The following PCSK5 variants were observed in gnomAD, a reference collection of about 807,000 sequenced individuals.
PCSK5 encodes the protein prohormone convertase 5.
PCSK5 carries 129 observed loss-of-function variants against 233.2 expected under a neutral mutation model. That is an observed-to-expected ratio of 0.55 (90% CI 0.48 to 0.64). PCSK5 has a LOEUF of 0.64. Among genes scored for constraint, PCSK5 ranks in the 30% least tolerant of loss-of-function variants. The pLI is 0.00. For missense variants in PCSK5, 2,076 were observed against 2,430.1 expected, an observed-to-expected ratio of 0.85 and a Z score of 3.06; for synonymous variants, 825 against 879.2, an observed-to-expected ratio of 0.94 and a Z score of 1.09.
intron 35 of PCSK5, 93 bp from the exon 36 acceptor site, chr9:76,350,735 C>G: frequency 1.3e-6 from 1 of 786,492 alleles, no homozygotes; most frequent in Middle Eastern, 2.3e-4. Flanking sequence ...CTTCAATTTA[C>G]TTGACATATT....
At chr9:75,922,673 G>C (rs1823305816) in intron 1 of PCSK5, among the ~76,000 whole-genome samples, 1 of 152,144 alleles carries the variant, frequency 6.6e-6, no homozygotes, top group South Asian at 2.1e-4. Flanking sequence ...TTGGAAGGAA[G>C]GATTTCTGCA....
At chr9:76,131,500 A>G (rs1052901968) in intron 9 of PCSK5, among the ~76,000 whole-genome samples, 18 of 152,050 alleles carry the variant, frequency 1.2e-4, no homozygotes, top group African/African-American at 4.1e-4. Context: ...TGTAGGTCCA[A>G]TTTCCTGAAG....
At chr9:75,954,317 TTG>T (rs982028837) in intron 2 of PCSK5, among the ~76,000 whole-genome samples, 1 of 152,156 alleles carries the variant, frequency 6.6e-6, no homozygotes, top group Non-Finnish European at 1.5e-5. Flanking sequence ...TACTCTGTCT[TTG>T]TGTTTGTAAA....
chr9:76,320,182 G>A (rs1174045004), intron 30 of PCSK5, among the ~76,000 whole-genome samples: 1 of 151,878 alleles, frequency 6.6e-6, no homozygotes, highest in Non-Finnish European at 1.5e-5. Context: ...CTCCACACAC[G>A]GGGAGAACAC....
chr9:75,902,558 C>T (rs1452208680), intron 1 of PCSK5, among the ~76,000 whole-genome samples: 1 of 152,072 alleles, frequency 6.6e-6, no homozygotes, highest in Non-Finnish European at 1.5e-5. Flanking sequence ...TTGTTCTGCT[C>T]AATGATAAGG....
chr9:76,180,491 C>G (rs1485999830), intron 15 of PCSK5, among the ~76,000 whole-genome samples: 1 of 152,130 alleles, frequency 6.6e-6, no homozygotes, highest in Non-Finnish European at 1.5e-5. Context: ...AAGGTGGACC[C>G]TGTGCCTCTG....
chr9:76,254,598 G>A (rs2131349636), intron 24 of PCSK5, among the ~76,000 whole-genome samples: 1 of 152,278 alleles, frequency 6.6e-6, no homozygotes, highest in South Asian at 2.1e-4. Context: ...TAGGCTGTCA[G>A]CTAAAAGGAA....
intron 6 of PCSK5, among the ~76,000 whole-genome samples, chr9:76,068,350 C>T (rs1830360488): frequency 6.6e-6 from 1 of 151,888 alleles, no homozygotes; most frequent in Admixed American, 6.6e-5. Flanking sequence ...ACAATTGGTG[C>T]CTGGGTTAGA....
chr9:76,158,268 A>G (rs1822693976), intron 11 of PCSK5, among the ~76,000 whole-genome samples: 1 of 152,178 alleles, frequency 6.6e-6, no homozygotes, highest in Admixed American at 6.6e-5. Context: ...TGAAGGTCTC[A>G]GGGAGGGGAA....
Position 76,071,858 on chromosome 9 carries a change from C to G in PCSK5, c.854C>G (p.Ala285Gly). The G allele has an allele frequency of 1.9e-6, 3 of 1,614,066 alleles. No homozygotes were observed. The highest frequency in any genetic ancestry group is 2.5e-6 in the Non-Finnish European group (3 of 1,179,986). ...DDDGKTVDGP[A>G]PLTRQAFENG... Reference sequence around the variant, plus strand: ...GATGGCAAGACTGTGGACGGACCAGCCCCCCTCACCCGGCAAGCCTTTGAA... The same window carrying G: ...GATGGCAAGACTGTGGACGGACCAGGCCCCCTCACCCGGCAAGCCTTTGAA... Residue 285 changes from alanine to glycine, a missense_variant, in exon 7 of 38, where the codon GCC (alanine) becomes GGC (glycine). Transcript: ENST00000674117.
At chr9:76,165,661 CG>C (rs1823056913) in intron 12 of PCSK5, among the ~76,000 whole-genome samples, 1 of 152,106 alleles carries the variant, frequency 6.6e-6, no homozygotes, top group Non-Finnish European at 1.5e-5. Context: ...TCATCGAGCA[CG>C]TGATTATGAA....
intron 20 of PCSK5, among the ~76,000 whole-genome samples, chr9:76,208,698 C>T (rs1340759085): frequency 6.6e-6 from 1 of 152,146 alleles, no homozygotes; most frequent in Non-Finnish European, 1.5e-5. Context: ...CTTTGCAGTT[C>T]TTTTCATATG....
intron 8 of PCSK5, among the ~76,000 whole-genome samples, chr9:76,096,831 C>A (rs1311711815): frequency 6.6e-6 from 1 of 150,954 alleles, no homozygotes; most frequent in East Asian, 2.0e-4. Flanking sequence ...AAACTCCTGA[C>A]CTCAAGTGAT....
At chr9:75,950,530 A>G (rs988595327) in intron 2 of PCSK5, among the ~76,000 whole-genome samples, 4 of 152,218 alleles carry the variant, frequency 2.6e-5, no homozygotes, top group African/African-American at 9.6e-5. Flanking sequence ...GTGGGGACCA[A>G]TATTCAACAT....
chr9:75,956,617 T>TCTTTGAA (rs1338144512), intron 2 of PCSK5, among the ~76,000 whole-genome samples: 1 of 152,204 alleles, frequency 6.6e-6, no homozygotes, highest in Non-Finnish European at 1.5e-5. Flanking sequence ...CTTTGAAATC[T>TCTTTGAA]AAGAGATTTA....
At chr9:76,057,832 C>CTTTTTTTTT (rs36017305) in intron 5 of PCSK5, among the ~76,000 whole-genome samples, 2 of 67,076 alleles carry the variant, frequency 3.0e-5, no homozygotes, top group Non-Finnish European at 5.2e-5. Context: ...TATTCAGGGG[C>CTTTTTTTTT]TTTTTTTTTT....
Position 75,986,264 on chromosome 9 carries a change from C to T in PCSK5, c.411+19C>T. 2.1e-6 allele frequency: 3 copies of T among 1,432,220 alleles called. No individual in the cohort carries two copies. The highest frequency in any genetic ancestry group is 3.0e-6 in the Non-Finnish European group (3 of 1,014,026). 88.7% of individuals were successfully genotyped at this position (1,432,220 alleles called of 1,614,324 possible). ...GTATATGGTAAGCTTGCTAAGGAAG[C>T]CTGGCCTAGGGCCATGTCATCCGGT... On this transcript the variant is annotated intron_variant, in intron 3 of 37. Coordinates refer to ENST00000674117, the MANE Select transcript of PCSK5 (RefSeq NM_001372043.1).
At chr9:76,326,590 G>A (rs1829364716) in intron 32 of PCSK5, among the ~76,000 whole-genome samples, 1 of 152,096 alleles carries the variant, frequency 6.6e-6, no homozygotes, top group Non-Finnish European at 1.5e-5. Flanking sequence ...TAGCGTAAGT[G>A]ACTTAGCATC....
intron 5 of PCSK5, among the ~76,000 whole-genome samples, chr9:76,058,189 C>G (rs1486846704): frequency 1.3e-5 from 2 of 152,068 alleles, no homozygotes; most frequent in Non-Finnish European, 2.9e-5. Flanking sequence ...GGTGGGACAC[C>G]AAGAGAATTT....
Sources: gnomAD v4.1 joint callset for allele counts (sites outside exome capture counted in the v4.1 genomes callset) on GRCh38, gnomAD v4.1.1 for gene constraint, MANE v1.5 for transcripts, NCBI Gene and HGNC (gene_info 2026-07-23, HGNC 2026-07-21) for gene names.